CFAP91: variants seen among roughly 807,000 people sequenced by gnomAD.
The protein encoded by CFAP91 is cilia and flagella associated protein 91.
CFAP91 carries 85 observed loss-of-function variants against 95.9 expected under a neutral mutation model. The ratio of observed to expected loss-of-function variants is 0.89; its 90% confidence interval spans 0.74 to 1.06. The LOEUF is 1.06. Ranked by LOEUF, CFAP91 falls within the 50% of genes least tolerant of loss-of-function variation. CFAP91 has a pLI of 0.00. For synonymous variants in CFAP91, 335 were observed against 327.5 expected (o/e 1.02, Z -0.25); for missense variants, 962 against 943.4 (o/e 1.02, Z -0.26).
intron 17 of CFAP91, among the ~76,000 whole-genome samples, chr3:119,759,464 A>C (rs2054493692): frequency 6.6e-6 from 1 of 151,992 alleles, no homozygotes; most frequent in African/African-American, 2.4e-5. Context: ...ACTGTACATT[A>C]ATTTATTAGG....
intron 8 of CFAP91, among the ~76,000 whole-genome samples, chr3:119,731,702 C>T (rs571199103): frequency 6.6e-6 from 1 of 152,230 alleles, no homozygotes; most frequent in South Asian, 2.1e-4. Context: ...TGCAGAGCCG[C>T]CAAAAGGTCT....
chr3:119,727,769 T>C (rs1250966245), intron 7 of CFAP91, among the ~76,000 whole-genome samples: 1 of 152,170 alleles, frequency 6.6e-6, no homozygotes, highest in African/African-American at 2.4e-5. Context: ...CTATTTAAAG[T>C]GGGCGATTTG....
At chr3:119,737,076 A>G (rs1235579060) in intron 10 of CFAP91, among the ~76,000 whole-genome samples, 1 of 152,128 alleles carries the variant, frequency 6.6e-6, no homozygotes, top group African/African-American at 2.4e-5. Context: ...ATTTTTAGGA[A>G]TATCATAGCA....
intron 6 of CFAP91, among the ~76,000 whole-genome samples, chr3:119,717,040 A>G (rs1199318965): frequency 6.6e-6 from 1 of 152,256 alleles, no homozygotes; most frequent in Non-Finnish European, 1.5e-5. Flanking sequence ...AAGAAAGAAA[A>G]TATTCGTAAT....
intron 6 of CFAP91, among the ~76,000 whole-genome samples, chr3:119,725,264 G>C (rs1332301012): frequency 6.6e-6 from 1 of 152,150 alleles, no homozygotes; most frequent in Non-Finnish European, 1.5e-5. Context: ...GTTGGCTTAG[G>C]TCTCAGCCAG....
At chr3:119,707,659 GT>G (rs2053393785) in intron 3 of CFAP91, 98 bp downstream of exon 3, 1 of 1,183,780 alleles carries the variant, frequency 8.4e-7, no homozygotes, top group Non-Finnish European at 1.1e-6. Context: ...CAGTTGTGGT[GT>G]TATACCTAGG....
intron 16 of CFAP91, 121 bp from the exon 17 acceptor site, chr3:119,750,816 G>A: frequency 1.9e-6 from 2 of 1,043,454 alleles, no homozygotes; most frequent in South Asian, 2.8e-5. Context: ...AAAGAAATTA[G>A]ATTTGGGTTG....
chr3:119,703,044 A>G lies in CFAP91; in HGVS notation c.-55A>G, dbSNP rs969374811. The G allele has an allele frequency of 2.0e-6, 3 of 1,535,390 alleles. No individual in the cohort carries two copies. The highest frequency in any genetic ancestry group is 4.0e-5 in the Admixed American group (2 of 50,462). Reference sequence around the variant, plus strand: ...GCCGTTACCATAGCGACGTGCACGCAGTAGCCAGGCCTGACCCGCTGGTCC... The same window carrying G: ...GCCGTTACCATAGCGACGTGCACGCGGTAGCCAGGCCTGACCCGCTGGTCC... On this transcript the variant is annotated 5_prime_UTR_variant, in exon 1 of 18. Transcript: ENST00000273390.
chr3:119,715,739 T>C lies in CFAP91; in HGVS notation c.678T>C (p.Thr226=), dbSNP rs758785479. 1.2e-6 allele frequency: 2 copies of C among 1,613,532 alleles called. No homozygotes were observed. Among genetic ancestry groups the C allele is most frequent in the Admixed American group, 1.7e-5 (1 of 60,000 alleles). The change falls in exon 6 of 18, where the codon ACT becomes ACC. Residue 226 remains threonine (T), a synonymous_variant. Coordinates refer to ENST00000273390, the MANE Select transcript of CFAP91 (RefSeq NM_033364.4). The part of the protein sequence containing the change: ...IPELLTLATL[T]WGRGLPAGQA... ...AGCTCTTGACCCTGGCTACGCTTACTTGGGGTGAGTTGGTAAATCTCCTGA... is the reference window on the plus strand; with the variant it reads ...AGCTCTTGACCCTGGCTACGCTTACCTGGGGTGAGTTGGTAAATCTCCTGA...
At chr3:119,711,964 G>A (rs1450713034) in intron 5 of CFAP91, among the ~76,000 whole-genome samples, 1 of 152,242 alleles carries the variant, frequency 6.6e-6, no homozygotes, top group South Asian at 2.1e-4. Context: ...GACAGTGCAT[G>A]CTCCTGGTGC....
chr3:119,722,195 A>AG (rs1441253744), intron 6 of CFAP91, among the ~76,000 whole-genome samples: 1 of 149,224 alleles, frequency 6.7e-6, no homozygotes, highest in African/African-American at 2.5e-5. Flanking sequence ...AAAAAAAAAA[A>AG]GGAAGAAGAT....
Position 119,703,165 on chromosome 3 carries a change from G to C in CFAP91, c.67G>C (p.Glu23Gln), listed in dbSNP as rs777444502. ...QPQVSQTRYR[E>Q]RSRAGSHISS... ...GCAGGTGTCTCAAACTCGGTACCGG[G>C]AGAGGTCGCGGGCTGGGAGCCACAT... The change falls in exon 1 of 18, where the codon GAG becomes CAG. Residue 23 changes from glutamate (E) to glutamine (Q), a missense_variant. Coordinates refer to ENST00000273390, the MANE Select transcript of CFAP91 (RefSeq NM_033364.4). 5 of 1,606,182 alleles carry C rather than the reference G, an allele frequency of 3.1e-6. No individual in the cohort carries two copies. In the East Asian group the frequency reaches 1.1e-4, roughly 36 times the overall value.
At chr3:119,750,766 A>G (rs1031353108) in intron 16 of CFAP91, 171 bp from the exon 17 acceptor site, 2 of 669,648 alleles carry the variant, frequency 3.0e-6, no homozygotes, top group Non-Finnish European at 5.1e-6. Flanking sequence ...GGAAAGGAGT[A>G]TGACTGGGCT....
intron 8 of CFAP91, 62 bp from the exon 9 acceptor site, chr3:119,732,232 T>C (rs2053912612): frequency 1.5e-6 from 2 of 1,331,436 alleles, no homozygotes; most frequent in South Asian, 2.9e-5. Context: ...TGGCTTACTC[T>C]TCTGCATTTG....
chr3:119,730,030 T>C (rs1278377631), intron 7 of CFAP91, among the ~76,000 whole-genome samples, 190 bp from the exon 8 acceptor site: 1 of 152,222 alleles, frequency 6.6e-6, no homozygotes, highest in East Asian at 1.9e-4. Flanking sequence ...ATTCCTATTA[T>C]ATAGAGAGTC....
intron 16 of CFAP91, among the ~76,000 whole-genome samples, chr3:119,749,567 T>C (rs2054286670): frequency 2.0e-5 from 3 of 151,954 alleles, no homozygotes; most frequent in Non-Finnish European, 2.9e-5. Context: ...CTCTCCCATG[T>C]TGGGAGTCTG....
chr3:119,761,775 C>CA (rs2054542257), intron 17 of CFAP91, among the ~76,000 whole-genome samples: 1 of 151,692 alleles, frequency 6.6e-6, no homozygotes, highest in Non-Finnish European at 1.5e-5. Flanking sequence ...AAAAATTTGA[C>CA]AAATTCAATA....
At chr3:119,708,706 C>T in intron 4 of CFAP91, 32 bp downstream of exon 4, 11 of 1,240,620 alleles carry the variant, frequency 8.9e-6, no homozygotes, top group South Asian at 1.3e-5. Context: ...ATATTTGAGC[C>T]CTAATATTAT....
At chr3:119,729,309 A>C (rs2053848545) in intron 7 of CFAP91, among the ~76,000 whole-genome samples, 1 of 152,112 alleles carries the variant, frequency 6.6e-6, no homozygotes, top group Admixed American at 6.5e-5. Flanking sequence ...TTAATTGTCA[A>C]GTGGTGACTG....
Sources: allele counts gnomAD v4.1 joint callset (sites outside exome capture counted in the v4.1 genomes callset), GRCh38; gene constraint gnomAD v4.1.1; transcripts MANE v1.5; gene names NCBI Gene and HGNC (gene_info 2026-07-23, HGNC 2026-07-21).